Variants in KAZALD1 observed in about 807,000 individuals in gnomAD.
KAZALD1 encodes the protein Kazal type serine peptidase inhibitor domain 1.
In KAZALD1, 31 loss-of-function variants were observed where a neutral mutation model predicts 27.7. That is an observed-to-expected ratio of 1.12 (90% CI 0.84 to 1.51). The LOEUF (loss-of-function observed/expected upper bound fraction) is 1.51. Among genes scored for constraint, KAZALD1 ranks in the 40% most tolerant of loss-of-function variants. The pLI, the probability that KAZALD1 is intolerant of heterozygous loss-of-function variation, is 0.00. For missense variants in KAZALD1, 444 were observed against 408.9 expected, an observed-to-expected ratio of 1.09 and a Z score of -0.74; for synonymous variants, 179 against 182.0, an observed-to-expected ratio of 0.98 and a Z score of 0.13.
Position 101,065,018 on chromosome 10 carries a change from T to A in KAZALD1, c.*98T>A. The A allele has an allele frequency of 1.3e-6, 1 of 796,354 alleles. No homozygotes were observed. The allele number at this position is 796,354 out of a possible 1,614,324, so 49.3% of individuals were successfully genotyped here. A position where few individuals can be genotyped will look rare whatever the true frequency, so the allele number is the denominator to read the frequency against. On this transcript the variant is annotated 3_prime_UTR_variant, in exon 5 of 5. Transcript: ENST00000370200. ...AGGGGAGCAGGGTCCCTTCATCGAC[T>A]GCTTTCATGCTGTCAGTAGGGATGA...
chr10:101,064,403 C>A lies in KAZALD1; in HGVS notation c.654C>A (p.Asp218Glu), dbSNP rs140069883. Reference sequence around the variant, plus strand: ...TGGACATCCAGCTGCCAGGGGATGACCCCCACATCTCTGTGCAGGTAGACT... The same window carrying A: ...TGGACATCCAGCTGCCAGGGGATGAACCCCACATCTCTGTGCAGGTAGACT... ...DGLDIQLPGD[D>E]PHISVQFRGG... Residue 218 changes from aspartate to glutamate, a missense_variant, in exon 3 of 5, where the codon GAC becomes GAA. Asp to Glu is a conservative substitution (Grantham distance 45). Transcript: ENST00000370200. The A allele has an allele frequency of 9.1e-5, 147 of 1,614,080 alleles. No homozygotes were observed. Among genetic ancestry groups the A allele is most frequent in the Non-Finnish European group, 1.2e-4 (140 of 1,180,048 alleles).
rs1233990548 is a variant in KAZALD1, at chr10:101,062,997, C to A, written c.405C>A (p.Cys135Ter). Reference sequence around the variant, plus strand: ...CCTGTCGTTCGCAGAGTCCGCTCTGCGGGTCCGACGGTCACACCTACTCCC... The same window carrying A: ...CCTGTCGTTCGCAGAGTCCGCTCTGAGGGTCCGACGGTCACACCTACTCCC... ...LCACRSQSPL[C>*]GSDGHTYSQI... Residue 135 changes from cysteine to a stop codon, truncating the protein, a stop_gained, in exon 2 of 5, where the codon TGC becomes TGA. Coordinates refer to ENST00000370200, the MANE Select transcript of KAZALD1 (RefSeq NM_030929.5). LOFTEE classifies it high-confidence loss of function. 1.2e-6 allele frequency: 2 copies of A among 1,600,410 alleles called. No homozygotes were observed. Among genetic ancestry groups the A allele is most frequent in the East Asian group, 4.5e-5 (2 of 44,828 alleles).
rs775613724 is a variant in KAZALD1 at position 101,062,616 on chromosome 10, A to AGCTGCCTTGGC, written c.32_42dup (p.Val15TrpfsTer13). 3 of 1,581,378 alleles carry AGCTGCCTTGGC rather than the reference A, an allele frequency of 1.9e-6. No individual in the cohort carries two copies. The highest frequency in any genetic ancestry group is 2.3e-5 in the East Asian group (1 of 43,340). ...CCATGCTGCCGCCGCCGCGGCCCGC[A>AGCTGCCTTGGC]GCTGCCTTGGCGCTGCCTGTGCTCC... On this transcript the variant is annotated frameshift_variant, in exon 2 of 5. Transcript: ENST00000370200. LOFTEE classifies it high-confidence loss of function.
In KAZALD1 at chr10:101,064,258, CA is replaced by C; in HGVS notation, c.512-2del. The C allele has an allele frequency of 6.2e-7, 1 of 1,614,134 alleles. No individual in the cohort carries two copies. The highest frequency in any genetic ancestry group is 8.5e-7 in the Non-Finnish European group (1 of 1,179,994). ...TTCTCAGACCTCCCGCCTTCACCCC[CA>C]GGGCCCCAGATCGTGTCACATCCAT... On this transcript the variant is annotated splice_acceptor_variant, in intron 2 of 4. Transcript: ENST00000370200. LOFTEE classifies it high-confidence loss of function.
rs1939260396 is a variant in KAZALD1, at chr10:101,064,435, A to G, written c.672+14A>G. On this transcript the variant is annotated intron_variant, in intron 3 of 4. Transcript: ENST00000370200. ...ATCTCTGTGCAGGTAGACTGGTGGG[A>G]GAGGCTTCCCTCAGGCAGCCCAGGG... 6.2e-7 allele frequency: 1 copy of G among 1,614,040 alleles called. No homozygotes were observed. The highest frequency in any genetic ancestry group is 1.1e-5 in the South Asian group (1 of 91,092).
Position 101,064,291 on chromosome 10 carries a change from C to A in KAZALD1, c.542C>A (p.Thr181Asn). The A allele has an allele frequency of 6.2e-7, 1 of 1,614,192 alleles. No homozygotes were observed. Among genetic ancestry groups the A allele is most frequent in the Non-Finnish European group, 8.5e-7 (1 of 1,180,038 alleles). The change falls in exon 3 of 5, where the codon ACT becomes AAT. Residue 181 changes from threonine (T) to asparagine (N), a missense_variant. Physicochemically the swap from Thr to Asn is moderately conservative, Grantham distance 65. Coordinates refer to ENST00000370200, the MANE Select transcript of KAZALD1 (RefSeq NM_030929.5). ...GPQIVSHPYD[T>N]WNVTGQDVIF... is the part of the protein sequence containing the mutation. ...CAGATCGTGTCACATCCATATGACA[C>A]TTGGAATGTGACAGGGCAGGATGTG...
Position 101,066,184 on chromosome 10 carries a change from C to G in KAZALD1, c.*1264C>G, listed in dbSNP as rs569847887. Reference sequence around the variant, plus strand: ...AAAGCATAAGTCAGCGAGGCCGAGGCGCTGTGTGTAGATGGCGACAGCCTC... The same window carrying G: ...AAAGCATAAGTCAGCGAGGCCGAGGGGCTGTGTGTAGATGGCGACAGCCTC... On this transcript the variant is annotated 3_prime_UTR_variant, in exon 5 of 5. Coordinates refer to ENST00000370200, the MANE Select transcript of KAZALD1 (RefSeq NM_030929.5). 14 of 332,252 alleles carry G rather than the reference C, an allele frequency of 4.2e-5. No individual in the cohort carries two copies. Among genetic ancestry groups the G allele is most frequent in the African/African-American group, 1.9e-4 (9 of 46,432 alleles). The allele number at this position is 332,252 out of a possible 1,614,324, so 20.6% of individuals were successfully genotyped here.
At chr10:101,062,475 C>G in intron 1 of KAZALD1, 67 bp from the exon 2 acceptor site, 1 of 1,433,278 alleles carries the variant, frequency 7.0e-7, no homozygotes, top group East Asian at 2.5e-5. Context: ...GTACAAGAAG[C>G]AGTGAGGTTG....
chr10:101,063,041 A>G lies in KAZALD1; in HGVS notation c.449A>G (p.Glu150Gly), dbSNP rs1939209239. The change falls in exon 2 of 5, where the codon GAG (glutamate) becomes GGG (glycine). Residue 150 changes from glutamate to glycine, a missense_variant. By Grantham distance (98) the Glu-to-Gly change is moderately conservative. Coordinates refer to ENST00000370200, the MANE Select transcript of KAZALD1 (RefSeq NM_030929.5). ...HTYSQICRLQ[E>G]AARARPDANL... Reference sequence around the variant, plus strand: ...TACTCCCAGATCTGCCGCCTGCAGGAGGCGGCCCGCGCTCGGCCCGATGCC... The same window carrying G: ...TACTCCCAGATCTGCCGCCTGCAGGGGGCGGCCCGCGCTCGGCCCGATGCC... 1 of 1,585,866 alleles carries G rather than the reference A, an allele frequency of 6.3e-7. No homozygotes were observed. Among genetic ancestry groups the G allele is most frequent in the Non-Finnish European group, 8.5e-7 (1 of 1,169,994 alleles).
chr10:101,066,705 A>C lies in KAZALD1; in HGVS notation c.*1785A>C, dbSNP rs1939332797. 2.8e-6 allele frequency: 1 copy of C among 355,372 alleles called. No individual in the cohort carries two copies. Among genetic ancestry groups the C allele is most frequent in the South Asian group, 2.1e-5 (1 of 48,066 alleles). The allele number at this position is 355,372 out of a possible 1,614,324, so 22.0% of individuals were successfully genotyped here. A position where few individuals can be genotyped will look rare whatever the true frequency, so the allele number is the denominator to read the frequency against. ...TCCAAGACGCCCTCTGCGGGCCCATAGCTCCTACCGCGTCCACCTGCAGAG... is the reference window on the plus strand; with the variant it reads ...TCCAAGACGCCCTCTGCGGGCCCATCGCTCCTACCGCGTCCACCTGCAGAG... On this transcript the variant is annotated 3_prime_UTR_variant, in exon 5 of 5. Transcript: ENST00000370200.
At chr10:101,067,863 T>C (rs910413472), downstream of KAZALD1, 1 of 468,534 alleles carries the variant, frequency 2.1e-6, no homozygotes, top group Non-Finnish European at 4.4e-6. Flanking sequence ...CTGCAGACCT[T>C]GGGGACCGAG....
chr10:101,067,430 C>T (rs2134248853), downstream of KAZALD1: 1 of 410,900 alleles, frequency 2.4e-6, no homozygotes, highest in African/African-American at 2.0e-5. Flanking sequence ...TCCGGACAAA[C>T]CGGGGCAGGA....
chr10:101,066,756 C>A lies in KAZALD1; in HGVS notation c.*1836C>A, dbSNP rs997538005. The A allele has an allele frequency of 5.8e-6, 2 of 343,890 alleles. No individual in the cohort carries two copies. The highest frequency in any genetic ancestry group is 4.3e-5 in the African/African-American group (2 of 46,496). 21.3% of individuals were successfully genotyped at this position (343,890 alleles called of 1,614,324 possible). A position where few individuals can be genotyped will look rare whatever the true frequency, so the allele number is the denominator to read the frequency against. On this transcript the variant is annotated 3_prime_UTR_variant, in exon 5 of 5. Transcript: ENST00000370200. ...CAGAGGCTCCTCACCAAAAGCCCCA[C>A]CCCACCGGAGAGGGTCACGCAGGTC...
At position 101,065,135 on chromosome 10, in the gene KAZALD1, C is replaced by G. The variant is rs993966997; in HGVS notation, c.*215C>G. On this transcript the variant is annotated 3_prime_UTR_variant, in exon 5 of 5. Coordinates refer to ENST00000370200, the MANE Select transcript of KAZALD1 (RefSeq NM_030929.5). ...TAGGGAGAGAAGCTGAGACCAGGAC[C>G]GGTGGGGTACAAAGGGGCCCATGCA... 1 of 554,310 alleles carries G rather than the reference C, an allele frequency of 1.8e-6. No homozygotes were observed. The highest frequency in any genetic ancestry group is 3.2e-6 in the Non-Finnish European group (1 of 308,718). The allele number at this position is 554,310 out of a possible 1,614,324, so 34.3% of individuals were successfully genotyped here.
Position 101,062,889 on chromosome 10 carries a change from C to T in KAZALD1, c.297C>T (p.Tyr99=). ...ACCTGGACCCCAGTGCTCACTTCTACGGGCACTGCGGCGAGCAGCTTGAGT... is the reference window on the plus strand; with the variant it reads ...ACCTGGACCCCAGTGCTCACTTCTATGGGCACTGCGGCGAGCAGCTTGAGT... ...LCDLDPSAHF[Y]GHCGEQLECR... Residue 99 remains tyrosine, a synonymous_variant, in exon 2 of 5, where the codon TAC becomes TAT. Coordinates refer to ENST00000370200, the MANE Select transcript of KAZALD1 (RefSeq NM_030929.5). 5 of 1,603,210 alleles carry T rather than the reference C, an allele frequency of 3.1e-6. No homozygotes were observed. Among genetic ancestry groups the T allele is most frequent in the Non-Finnish European group, 8.5e-7 (1 of 1,179,670 alleles).
chr10:101,064,073 G>A (rs1939245347), intron 2 of KAZALD1, 188 bp from the exon 3 acceptor site: 1 of 631,382 alleles, frequency 1.6e-6, no homozygotes, highest in Non-Finnish European at 2.8e-6. Flanking sequence ...TGGTACCCTT[G>A]TGTGTACCAG....
chr10:101,065,027 G>T lies in KAZALD1; in HGVS notation c.*107G>T. 1.3e-6 allele frequency: 1 copy of T among 752,254 alleles called. No homozygotes were observed. The highest frequency in any genetic ancestry group is 2.3e-6 in the Non-Finnish European group (1 of 434,360). 46.6% of individuals were successfully genotyped at this position (752,254 alleles called of 1,614,324 possible). A position where few individuals can be genotyped will look rare whatever the true frequency, so the allele number is the denominator to read the frequency against. Reference sequence around the variant, plus strand: ...GGGTCCCTTCATCGACTGCTTTCATGCTGTCAGTAGGGATGATCATGGGAG... The same window carrying T: ...GGGTCCCTTCATCGACTGCTTTCATTCTGTCAGTAGGGATGATCATGGGAG... On this transcript the variant is annotated 3_prime_UTR_variant, in exon 5 of 5. Transcript: ENST00000370200.
chr10:101,063,121 C>A lies in KAZALD1; in HGVS notation c.511+18C>A, dbSNP rs1333976505. 1 of 1,518,322 alleles carries A rather than the reference C, an allele frequency of 6.6e-7. No homozygotes were observed. The highest frequency in any genetic ancestry group is 2.3e-5 in the East Asian group (1 of 43,426). The allele number at this position is 1,518,322 out of a possible 1,614,324, so 94.1% of individuals were successfully genotyped here. On this transcript the variant is annotated intron_variant, in intron 2 of 4. Transcript: ENST00000370200. ...CGAATCGGGTACGCATGGCCCGGGG[C>A]CCCCACCCCAGCACTTAGGTTTCCT...
rs1220870319 is a variant in KAZALD1, at chr10:101,062,099, C to T, written c.-68C>T. ...TCGAATCACGGCTGCTGCGAAGGGT[C>T]TAGTTCCGGACACTAGGTGAGCACT... On this transcript the variant is annotated 5_prime_UTR_variant, in exon 1 of 5. Transcript: ENST00000370200. The T allele has an allele frequency of 6.0e-6, 1 of 166,394 alleles. No homozygotes were observed. The highest frequency in any genetic ancestry group is 2.4e-5 in the African/African-American group (1 of 41,696). 10.3% of individuals were successfully genotyped at this position (166,394 alleles called of 1,614,324 possible).
Sources: allele counts gnomAD v4.1 joint callset, GRCh38; gene constraint gnomAD v4.1.1; transcripts MANE v1.5; gene names NCBI Gene and HGNC (gene_info 2026-07-23, HGNC 2026-07-21).